KLHL5: variants seen among roughly 807,000 people sequenced by gnomAD.
The protein encoded by KLHL5 is kelch-like protein 5.
KLHL5 carries 48 observed loss-of-function variants against 77.7 expected under a neutral mutation model. The observed-to-expected ratio is 0.62, with a 90% CI of 0.49 to 0.79. The LOEUF is 0.79. Among genes scored for constraint, KLHL5 ranks in the 30% least tolerant of loss-of-function variants. KLHL5 has a pLI of 0.00. For missense variants in KLHL5, 723 were observed against 859.7 expected (o/e 0.84, Z 1.99); for synonymous variants, 260 against 297.0 (o/e 0.88, Z 1.28).
intron 8 of KLHL5, among the ~76,000 whole-genome samples, chr4:39,111,790 T>G (rs1722471527): frequency 6.6e-6 from 1 of 152,170 alleles, no homozygotes; most frequent in Non-Finnish European, 1.5e-5. Flanking sequence ...GAACAAGATA[T>G]TGCTATAACC....
At chr4:39,092,950 T>A in intron 5 of KLHL5, 1 of 377,818 alleles carries the variant, frequency 2.6e-6, no homozygotes, top group South Asian at 2.0e-5. Flanking sequence ...TTAGGTTGTT[T>A]CTTAAAAAGT....
intron 1 of KLHL5, among the ~76,000 whole-genome samples, chr4:39,051,165 T>C (rs1024510348): frequency 2.0e-5 from 3 of 152,242 alleles, no homozygotes; most frequent in African/African-American, 7.2e-5. Context: ...TTCACCAATT[T>C]AATCTAATTT....
chr4:39,106,924 G>A (rs1722079425), intron 7 of KLHL5, among the ~76,000 whole-genome samples: 1 of 150,398 alleles, frequency 6.6e-6, no homozygotes, highest in African/African-American at 2.4e-5. Context: ...AAAAAAATTT[G>A]TAGAGATGGC....
chr4:39,105,440 C>T (rs956145541), intron 7 of KLHL5, among the ~76,000 whole-genome samples: 1 of 151,862 alleles, frequency 6.6e-6, no homozygotes, highest in South Asian at 2.1e-4. Flanking sequence ...AGCCACTGCA[C>T]CAGGCTTAAA....
chr4:39,106,031 T>G (rs76300580), intron 7 of KLHL5, among the ~76,000 whole-genome samples: 2,819 of 152,116 alleles, frequency 0.019, 91 homozygotes, highest in African/African-American at 0.065. Flanking sequence ...TGGAGACCGT[T>G]CTCCATCTCA....
chr4:39,115,730 T>C (rs1360483527), intron 10 of KLHL5: 15 of 1,143,368 alleles, frequency 1.3e-5, no homozygotes, highest in South Asian at 5.0e-5. Flanking sequence ...ACTCAACCCA[T>C]TGATATCTGG....
At position 39,081,457 on chromosome 4, in the gene KLHL5, TA is replaced by T. The variant is rs1292409348; in HGVS notation, c.703+220del. The stretch of plus-strand genomic sequence containing the variant: ...GTTTTTGAATGGCCCTTTAAAATGT[TA>T]ATATAAAAATTAAATGAATTACATA... On this transcript the variant is annotated intron_variant, in intron 3 of 10. Coordinates refer to ENST00000504108, the MANE Select transcript of KLHL5 (RefSeq NM_015990.5). The surrounding 1 kb of genome is among the most constrained non-coding windows in gnomAD (Gnocchi z 4.3). Among the ~76,000 whole-genome samples, 2 of 152,198 alleles carry T rather than the reference TA, an allele frequency of 1.3e-5. No homozygotes were observed. Among genetic ancestry groups the T allele is most frequent in the African/African-American group, 4.8e-5 (2 of 41,444 alleles).
chr4:39,052,171 AGT>A (rs1716702051), intron 1 of KLHL5, among the ~76,000 whole-genome samples: 1 of 151,760 alleles, frequency 6.6e-6, no homozygotes, highest in Admixed American at 6.6e-5. Flanking sequence ...CCTGGGCTGG[AGT>A]GTGGTGGTGT....
intron 8 of KLHL5, 75 bp downstream of exon 8, chr4:39,107,806 GATATAC>G: frequency 9.0e-7 from 1 of 1,115,368 alleles, no homozygotes; most frequent in Non-Finnish European, 1.3e-6. Context: ...CTAATTTAAA[GATATAC>G]ATAAATACTT....
rs73808954 is a variant in KLHL5 at position 39,085,657 on chromosome 4, A to G, written c.901-858A>G. ...TAATAGCCTATCAAGGTCATCTCAC[A>G]CCTAAGGGCATTTTTATTTCCCATT... On this transcript the variant is annotated intron_variant, in intron 4 of 10. Transcript: ENST00000504108. Among the ~76,000 whole-genome samples the G allele has an allele frequency of 6.0e-3, 918 of 152,182 alleles. 5 individuals carry two copies. Among genetic ancestry groups the G allele is most frequent in the African/African-American group, 0.021 (888 of 41,522 alleles).
In KLHL5 at chr4:39,091,806, G is replaced by C. The variant is rs982126212; in HGVS notation, c.1114-4886G>C. 8.2e-5 allele frequency among the ~76,000 whole-genome samples: 12 copies of C among 146,880 alleles called. No homozygotes were observed. In the South Asian group the frequency reaches 2.6e-3, roughly 32 times the overall value. ...CCACCTCAGCCTCTCGAGTAGCTGA[G>C]ACTACAGTCACTGTGCCCCATCACA... On this transcript the variant is annotated intron_variant, in intron 5 of 10. Transcript: ENST00000504108.
At chr4:39,133,568 TAAA>T in the KLHL5 span, among the ~76,000 whole-genome samples, 35 of 133,918 alleles carry the variant, frequency 2.6e-4, no homozygotes, top group African/African-American at 7.4e-4. Flanking sequence ...CCCCATTTCC[TAAA>T]AAAAAAAAAA....
At chr4:39,094,292 TG>T (rs1720859920) in intron 5 of KLHL5, among the ~76,000 whole-genome samples, 1 of 151,396 alleles carries the variant, frequency 6.6e-6, no homozygotes, top group South Asian at 2.1e-4. Flanking sequence ...CCAATAGCAA[TG>T]AAAATAATAA....
chr4:39,105,734 G>GTA (rs973028471), intron 7 of KLHL5, among the ~76,000 whole-genome samples: 2 of 80,358 alleles, frequency 2.5e-5, no homozygotes, highest in Admixed American at 1.5e-4. Flanking sequence ...GTGTATATAT[G>GTA]TATACACACA....
chr4:39,105,698 A>G (rs1348158759), intron 7 of KLHL5, among the ~76,000 whole-genome samples: 1 of 149,508 alleles, frequency 6.7e-6, no homozygotes, highest in Non-Finnish European at 1.5e-5. Flanking sequence ...AATAACATGC[A>G]TGCATATTTA....
intron 6 of KLHL5, among the ~76,000 whole-genome samples, chr4:39,098,508 C>A (rs1721267129): frequency 6.6e-6 from 1 of 151,634 alleles, no homozygotes; most frequent in African/African-American, 2.4e-5. Flanking sequence ...CTCAAGTGAT[C>A]TGTCCGCCTC....
intron 1 of KLHL5, among the ~76,000 whole-genome samples, chr4:39,074,431 CCTT>C (rs1718809990): frequency 6.6e-6 from 1 of 152,128 alleles, no homozygotes; most frequent in Non-Finnish European, 1.5e-5. Flanking sequence ...CAATCCTCTC[CCTT>C]CAACCCGTGT....
In KLHL5 at chr4:39,082,044, C is replaced by G. The variant is rs762848951; in HGVS notation, c.785C>G (p.Ala262Gly). Residue 262 changes from alanine to glycine, a missense_variant, in exon 4 of 11, where the codon GCA becomes GGA. Transcript: ENST00000504108. ...CLLQLSQVVE[A>G]CCKFLMKQLH... ...CTTCAGCTTTCACAGGTTGTAGAAG[C>G]ATGCTGTAAGTTTTTAATGAAACAG... is the stretch of plus-strand genomic sequence containing the variant. The G allele has an allele frequency of 2.5e-6, 4 of 1,613,952 alleles. No individual in the cohort carries two copies. In the Middle Eastern group the frequency reaches 5.0e-4, roughly 200 times the overall value.
intron 7 of KLHL5, among the ~76,000 whole-genome samples, chr4:39,106,544 C>T (rs947691610): frequency 3.3e-5 from 5 of 152,110 alleles, no homozygotes; most frequent in African/African-American, 7.2e-5. Context: ...AGCTCAGCTC[C>T]GTGCTGATGA....
Sources: allele counts gnomAD v4.1 joint callset (sites outside exome capture counted in the v4.1 genomes callset), GRCh38; gene constraint gnomAD v4.1.1; non-coding constraint Gnocchi (gnomAD v3.1); transcripts MANE v1.5; gene names NCBI Gene and HGNC (gene_info 2026-07-23, HGNC 2026-07-21).